ADAMTS6: variants seen among roughly 807,000 people sequenced by gnomAD.
ADAMTS6 encodes the protein ADAM metallopeptidase with thrombospondin type 1 motif 6.
In ADAMTS6, 23 loss-of-function variants were observed where a neutral mutation model predicts 144.3. The observed-to-expected ratio is 0.16, with a 90% CI of 0.11 to 0.23. The LOEUF (loss-of-function observed/expected upper bound fraction) is 0.23, where lower values mean the gene tolerates loss of function less well. Among genes scored for constraint, ADAMTS6 ranks in the 10% least tolerant of loss-of-function variants. The pLI, the probability that ADAMTS6 is intolerant of heterozygous loss-of-function variation, is 1.00. For missense variants in ADAMTS6, 999 were observed against 1,379.6 expected (o/e 0.72, Z 4.37); for synonymous variants, 444 against 457.5 (o/e 0.97, Z 0.38).
At position 65,256,961 on chromosome 5, in the gene ADAMTS6, T is replaced by TTCTCTCTCTC. The variant is rs55933758; in HGVS notation, c.1830+3629_1830+3638dup. Reference sequence around the variant, plus strand: ...TGGTTTAATAAATAAGGGTCACTTTTTCTCTCTCTCTCTCTCTCTCTCTCT... The same window carrying TTCTCTCTCTC: ...TGGTTTAATAAATAAGGGTCACTTTTTCTCTCTCTCTCTCTCTCTCTCTCTCTCTCTCTCT... On this transcript the variant is annotated intron_variant, in intron 14 of 24. Coordinates refer to ENST00000381055, the MANE Select transcript of ADAMTS6 (RefSeq NM_197941.4). 1.0e-4 allele frequency among the ~76,000 whole-genome samples: 12 copies of TTCTCTCTCTC among 118,040 alleles called. 1 individual carries two copies. Among genetic ancestry groups the TTCTCTCTCTC allele is most frequent in the African/African-American group, 4.2e-4 (11 of 25,914 alleles). The allele number at this position is 118,040 out of a possible 152,430, so 77.4% of individuals were successfully genotyped here.
At chr5:65,295,440 A>G (rs902640881) in intron 10 of ADAMTS6, among the ~76,000 whole-genome samples, 1 of 152,102 alleles carries the variant, frequency 6.6e-6, no homozygotes, top group Non-Finnish European at 1.5e-5. Flanking sequence ...CTCATCAAAT[A>G]ATAATTTTAA....
intron 9 of ADAMTS6, among the ~76,000 whole-genome samples, chr5:65,323,625 A>T (rs1016826393): frequency 2.6e-5 from 4 of 152,142 alleles, no homozygotes; most frequent in Non-Finnish European, 5.9e-5. Context: ...TCCTTTGGGT[A>T]TATACCCAGT....
chr5:65,161,596 T>A (rs1752786608), intron 24 of ADAMTS6, among the ~76,000 whole-genome samples: 1 of 152,222 alleles, frequency 6.6e-6, no homozygotes, highest in Admixed American at 6.5e-5. Flanking sequence ...TTTCTTAAAT[T>A]TTTTTGAATT....
intron 1 of ADAMTS6, among the ~76,000 whole-genome samples, chr5:65,478,334 ACCAAACAGTTGT>A (rs369399694): frequency 1.2e-3 from 188 of 152,350 alleles, no homozygotes; most frequent in Admixed American, 2.6e-3. Context: ...ACATTGAAAT[ACCAAACAGTTGT>A]CCAAAAATCA....
At chr5:65,179,447 C>A (rs115434958) in intron 22 of ADAMTS6, among the ~76,000 whole-genome samples, 16,857 of 151,900 alleles carry the variant, frequency 0.11, 1,054 homozygotes, top group African/African-American at 0.16. Flanking sequence ...AAGGTGTTAG[C>A]CAAAACAAAA....
intron 20 of ADAMTS6, among the ~76,000 whole-genome samples, chr5:65,199,264 A>T (rs1222672816): frequency 2.0e-5 from 3 of 152,192 alleles, no homozygotes; most frequent in Non-Finnish European, 4.4e-5. Context: ...GTTTTGTTTC[A>T]GTGGCAGAAA....
chr5:65,211,431 G>A (rs1377672585), intron 20 of ADAMTS6, among the ~76,000 whole-genome samples: 4 of 151,882 alleles, frequency 2.6e-5, no homozygotes, highest in Admixed American at 1.3e-4. Flanking sequence ...GTGAAACTCC[G>A]TCTCTACTAA....
chr5:65,419,991 T>C (rs896322736), intron 7 of ADAMTS6, among the ~76,000 whole-genome samples: 20 of 152,124 alleles, frequency 1.3e-4, no homozygotes, highest in Admixed American at 1.0e-3. Context: ...TACTGGGTAA[T>C]TTATAACGGA....
At chr5:65,340,317 A>G (rs532434607) in intron 7 of ADAMTS6, among the ~76,000 whole-genome samples, 92 of 152,142 alleles carry the variant, frequency 6.0e-4, no homozygotes, top group Non-Finnish European at 1.2e-3. Flanking sequence ...TATTTCACAG[A>G]CAAGCAAAAC....
At chr5:65,404,245 A>G (rs1036154696) in intron 7 of ADAMTS6, among the ~76,000 whole-genome samples, 3 of 152,106 alleles carry the variant, frequency 2.0e-5, no homozygotes, top group Non-Finnish European at 2.9e-5. Flanking sequence ...TGCTGCACCA[A>G]TCAACTCGTC....
chr5:65,228,233 T>G (rs1055092232), intron 15 of ADAMTS6, among the ~76,000 whole-genome samples: 5 of 142,950 alleles, frequency 3.5e-5, no homozygotes, highest in African/African-American at 1.4e-4. Flanking sequence ...TATAGCATTT[T>G]GTGCATTAGG....
At chr5:65,471,818 G>A (rs1247142136) in intron 2 of ADAMTS6, among the ~76,000 whole-genome samples, 1 of 151,958 alleles carries the variant, frequency 6.6e-6, no homozygotes, top group Non-Finnish European at 1.5e-5. Context: ...GTAAAATGCT[G>A]TAACCACTTT....
At position 65,354,740 on chromosome 5, in the gene ADAMTS6, A is replaced by G. The variant is rs115483356; in HGVS notation, c.1074-20655T>C. On this transcript the variant is annotated intron_variant, in intron 7 of 24. Transcript: ENST00000381055. ...ATTATGAAGCAGCTAACAATATTCT[A>G]ATTTCTGTAGATTCTCACTTAATTG... Among the ~76,000 whole-genome samples the G allele has an allele frequency of 2.5e-3, 366 of 146,910 alleles. 1 individual carries two copies. The highest frequency in any genetic ancestry group is 9.0e-3 in the African/African-American group (351 of 39,170).
At chr5:65,204,392 A>G (rs1755940751) in intron 20 of ADAMTS6, among the ~76,000 whole-genome samples, 1 of 152,230 alleles carries the variant, frequency 6.6e-6, no homozygotes, top group Non-Finnish European at 1.5e-5. Context: ...GATACTCTGC[A>G]ATCTCAAGAG....
chr5:65,467,549 ATTTTTC>A (rs1760123642), intron 3 of ADAMTS6, among the ~76,000 whole-genome samples: 1 of 152,116 alleles, frequency 6.6e-6, no homozygotes, highest in African/African-American at 2.4e-5. Context: ...ACCTTTAAGT[ATTTTTC>A]TTTTTTAAAG....
intron 7 of ADAMTS6, among the ~76,000 whole-genome samples, chr5:65,335,993 G>A (rs1317043573): frequency 6.6e-6 from 1 of 151,938 alleles, no homozygotes; most frequent in Non-Finnish European, 1.5e-5. Context: ...AGTATTCAAA[G>A]GAACAAAGTC....
chr5:65,309,394 A>G (rs978032639), intron 9 of ADAMTS6, among the ~76,000 whole-genome samples: 15 of 140,754 alleles, frequency 1.1e-4, no homozygotes, highest in African/African-American at 3.9e-4. Context: ...TCTCGCTCCT[A>G]TGAGAATGTA....
intron 7 of ADAMTS6, among the ~76,000 whole-genome samples, chr5:65,425,373 C>T (rs1756423833): frequency 6.6e-6 from 1 of 152,034 alleles, no homozygotes; most frequent in African/African-American, 2.4e-5. Flanking sequence ...GCATTTTTTC[C>T]TACCTAATGG....
intron 12 of ADAMTS6, among the ~76,000 whole-genome samples, chr5:65,263,397 T>C (rs1397810687): frequency 6.7e-6 from 1 of 149,478 alleles, no homozygotes; most frequent in African/African-American, 2.5e-5. Flanking sequence ...ATTTTTATGA[T>C]GGTAATTGCT....
Sources: gnomAD v4.1 joint callset for allele counts (sites outside exome capture counted in the v4.1 genomes callset) on GRCh38, gnomAD v4.1.1 for gene constraint, MANE v1.5 for transcripts, NCBI Gene and HGNC (gene_info 2026-07-23, HGNC 2026-07-21) for gene names.